The following PDE4B variants were observed in gnomAD, a reference collection of about 807,000 sequenced individuals.
PDE4B encodes the protein phosphodiesterase 4B.
In PDE4B, 20 loss-of-function variants were observed where a neutral mutation model predicts 82.2. That is an observed-to-expected ratio of 0.24 (90% CI 0.17 to 0.35). The LOEUF is 0.35. Among genes scored for constraint, PDE4B ranks in the 10% least tolerant of loss-of-function variants. The probability of loss-of-function intolerance (pLI) is 1.00; values close to 1 mark genes in which losing one functional copy is unlikely to be tolerated. For missense variants in PDE4B, 655 were observed against 907.2 expected (o/e 0.72, Z 3.57); for synonymous variants, 320 against 318.9 (o/e 1.00, Z -0.04).
At chr1:66,064,996 A>C (rs1200816991) in intron 3 of PDE4B, among the ~76,000 whole-genome samples, 1 of 151,978 alleles carries the variant, frequency 6.6e-6, no homozygotes, top group Non-Finnish European at 1.5e-5. Context: ...AATAAATACA[A>C]AATTAATGTT....
chr1:66,272,472 C>T (rs963891643), intron 7 of PDE4B, among the ~76,000 whole-genome samples: 1 of 152,172 alleles, frequency 6.6e-6, no homozygotes, highest in Admixed American at 6.5e-5. Context: ...CATCTGACTA[C>T]CTCTGGTAAC....
chr1:65,903,599 T>G (rs925118234), intron 1 of PDE4B, among the ~76,000 whole-genome samples: 1 of 151,992 alleles, frequency 6.6e-6, no homozygotes, highest in Non-Finnish European at 1.5e-5. Context: ...TTTAAAAAAT[T>G]TAAAAAAACA....
intron 3 of PDE4B, among the ~76,000 whole-genome samples, chr1:65,991,883 A>G (rs1651263659): frequency 6.6e-6 from 1 of 152,174 alleles, no homozygotes. Context: ...GCTTTAACTG[A>G]GAGTATTCAT....
intron 7 of PDE4B, among the ~76,000 whole-genome samples, chr1:66,275,111 T>C (rs1655786631): frequency 6.6e-6 from 1 of 152,336 alleles, no homozygotes; most frequent in Admixed American, 6.5e-5. Context: ...GCTTTTTCTC[T>C]TAAAAGCAGA....
intron 1 of PDE4B, among the ~76,000 whole-genome samples, chr1:65,829,951 G>T (rs1256841595): frequency 6.6e-6 from 1 of 152,188 alleles, no homozygotes; most frequent in African/African-American, 2.4e-5. Context: ...TGACACTTCA[G>T]TGGCAATGAG....
intron 3 of PDE4B, among the ~76,000 whole-genome samples, chr1:65,956,288 G>A (rs1189464524): frequency 1.3e-5 from 2 of 152,084 alleles, no homozygotes; most frequent in Admixed American, 6.6e-5. Context: ...AGTTCCTTGG[G>A]TGAATGGTCC....
intron 7 of PDE4B, among the ~76,000 whole-genome samples, chr1:66,325,658 A>G (rs893246837): frequency 1.2e-4 from 18 of 152,220 alleles, no homozygotes; most frequent in African/African-American, 4.3e-4. Flanking sequence ...CTGAAGTCCT[A>G]CAGTGGGAAG....
Position 66,374,076 on chromosome 1 carries a change from T to C in PDE4B, c.*1398T>C, listed in dbSNP as rs568071915. 1 of 152,784 alleles carries C rather than the reference T, an allele frequency of 6.5e-6. No homozygotes were observed. The highest frequency in any genetic ancestry group is 2.4e-5 in the African/African-American group (1 of 41,582). 9.5% of individuals were successfully genotyped at this position (152,784 alleles called of 1,614,324 possible). A position where few individuals can be genotyped will look rare whatever the true frequency, so the allele number is the denominator to read the frequency against. On this transcript the variant is annotated 3_prime_UTR_variant, in exon 17 of 17. Transcript: ENST00000341517. ...GGGCATGAGTTGGGTTATAACTGGA[T>C]CCTACTATCATTGTGGCTTTGGTTC...
intron 3 of PDE4B, among the ~76,000 whole-genome samples, chr1:66,173,081 A>G (rs74916251): frequency 2.0e-5 from 3 of 152,344 alleles, no homozygotes; most frequent in East Asian, 1.9e-4. Flanking sequence ...ATACACCTGT[A>G]TCAGATTGGG....
intron 3 of PDE4B, among the ~76,000 whole-genome samples, chr1:66,190,758 A>G (rs2101473579): frequency 6.6e-6 from 1 of 152,270 alleles, no homozygotes; most frequent in African/African-American, 2.4e-5. Context: ...TGACTAGGAA[A>G]GGGAATTCCC....
chr1:66,281,965 A>G (rs1436680389), intron 7 of PDE4B, among the ~76,000 whole-genome samples: 2 of 152,182 alleles, frequency 1.3e-5, no homozygotes, highest in African/African-American at 4.8e-5. Flanking sequence ...GGATGTGAAC[A>G]CTGCCTTGTT....
intron 3 of PDE4B, among the ~76,000 whole-genome samples, chr1:65,922,885 T>C (rs1383996755): frequency 6.6e-6 from 1 of 152,160 alleles, no homozygotes; most frequent in Non-Finnish European, 1.5e-5. Flanking sequence ...AGGGGCACAT[T>C]AGGGATGTGC....
intron 3 of PDE4B, among the ~76,000 whole-genome samples, chr1:66,021,646 G>A (rs567103483): frequency 2.6e-5 from 4 of 152,110 alleles, no homozygotes; most frequent in Non-Finnish European, 5.9e-5. Flanking sequence ...ATTTCTGAGG[G>A]CTCTGTTCTG....
intron 1 of PDE4B, among the ~76,000 whole-genome samples, chr1:65,804,259 T>G (rs111953076): frequency 8.5e-5 from 13 of 152,332 alleles, no homozygotes; most frequent in African/African-American, 2.6e-4. Context: ...GAAGCTTTGC[T>G]TTTCTCTGTG....
At chr1:66,035,238 A>T (rs1404180209) in intron 3 of PDE4B, among the ~76,000 whole-genome samples, 1 of 151,676 alleles carries the variant, frequency 6.6e-6, no homozygotes, top group African/African-American at 2.4e-5. Flanking sequence ...GTATAATGTG[A>T]TGTTTTGACA....
At chr1:65,868,514 G>A (rs1379469164) in intron 1 of PDE4B, among the ~76,000 whole-genome samples, 2 of 152,266 alleles carry the variant, frequency 1.3e-5, no homozygotes, top group Admixed American at 1.3e-4. Context: ...ATATAGCTGG[G>A]ATTAGCCATA....
intron 3 of PDE4B, among the ~76,000 whole-genome samples, chr1:66,200,069 G>C (rs1238970019): frequency 6.6e-6 from 1 of 152,132 alleles, no homozygotes; most frequent in African/African-American, 2.4e-5. Context: ...CATATGGCTA[G>C]CCAGTTTTCC....
chr1:66,289,311 C>T (rs1349127086), intron 7 of PDE4B, among the ~76,000 whole-genome samples: 2 of 151,910 alleles, frequency 1.3e-5, no homozygotes, highest in Non-Finnish European at 2.9e-5. Context: ...TCTTTTGGAC[C>T]AGGAGGGAGA....
intron 3 of PDE4B, among the ~76,000 whole-genome samples, chr1:65,969,772 G>A (rs1650034642): frequency 6.6e-6 from 1 of 152,016 alleles, no homozygotes; most frequent in South Asian, 2.1e-4. Flanking sequence ...TCATATAAAT[G>A]GTATGATTAG....
Sources: allele counts gnomAD v4.1 joint callset (sites outside exome capture counted in the v4.1 genomes callset), GRCh38; gene constraint gnomAD v4.1.1; transcripts MANE v1.5; gene names NCBI Gene and HGNC (gene_info 2026-07-23, HGNC 2026-07-21).